The following CTNND2 variants were observed in gnomAD, a reference collection of about 807,000 sequenced individuals.
The protein encoded by CTNND2 is catenin delta 2, also known as catenin delta-2.
CTNND2 carries 22 observed loss-of-function variants against 144.4 expected under a neutral mutation model. That is an observed-to-expected ratio of 0.15 (90% CI 0.11 to 0.22). The LOEUF (loss-of-function observed/expected upper bound fraction) is 0.22, where lower values mean the gene tolerates loss of function less well. Among genes scored for constraint, CTNND2 ranks in the 10% least tolerant of loss-of-function variants. The probability of loss-of-function intolerance (pLI) is 1.00; values close to 1 mark genes in which losing one functional copy is unlikely to be tolerated. For synonymous variants in CTNND2, 751 were observed against 695.6 expected (o/e 1.08, Z -1.25); for missense variants, 1,353 against 1,618.8 (o/e 0.84, Z 2.82).
intron 11 of CTNND2, among the ~76,000 whole-genome samples, chr5:11,178,690 A>T (rs1760713721): frequency 1.3e-5 from 2 of 152,346 alleles, no homozygotes; most frequent in East Asian, 3.9e-4. Context: ...CTCTTTAAAA[A>T]GTATATATAT....
chr5:11,226,125 A>T (rs553326039), intron 10 of CTNND2, among the ~76,000 whole-genome samples: 71 of 152,334 alleles, frequency 4.7e-4, no homozygotes, highest in Admixed American at 9.8e-4. Flanking sequence ...CAGCATCGTG[A>T]GAGAACAGAT....
chr5:11,799,923 C>G (rs1791590528), intron 1 of CTNND2, among the ~76,000 whole-genome samples: 1 of 152,122 alleles, frequency 6.6e-6, no homozygotes, highest in Non-Finnish European at 1.5e-5. Context: ...TTCTACTACT[C>G]CAAACTCCCT....
chr5:11,881,827 C>T (rs1215573728), intron 1 of CTNND2, among the ~76,000 whole-genome samples: 1 of 151,970 alleles, frequency 6.6e-6, no homozygotes, highest in Admixed American at 6.6e-5. Context: ...TTCATAATGG[C>T]TGTACTAATT....
intron 3 of CTNND2, among the ~76,000 whole-genome samples, chr5:11,501,578 G>A (rs1282909733): frequency 1.3e-5 from 2 of 152,176 alleles, no homozygotes; most frequent in East Asian, 3.9e-4. Context: ...GCAACTGACT[G>A]AATGTTTACG....
intron 2 of CTNND2, among the ~76,000 whole-genome samples, chr5:11,711,953 G>A (rs985877165): frequency 6.6e-6 from 1 of 152,212 alleles, no homozygotes; most frequent in African/African-American, 2.4e-5. Context: ...TTGATAATTA[G>A]TTAACATTAT....
intron 2 of CTNND2, among the ~76,000 whole-genome samples, chr5:11,585,141 A>G (rs1329573868): frequency 2.0e-5 from 3 of 151,998 alleles, no homozygotes; most frequent in African/African-American, 7.2e-5. Context: ...ACAGGAGACC[A>G]CCCTGTTTAA....
At chr5:11,848,045 T>C (rs1415026462) in intron 1 of CTNND2, among the ~76,000 whole-genome samples, 1 of 152,098 alleles carries the variant, frequency 6.6e-6, no homozygotes, top group Non-Finnish European at 1.5e-5. Flanking sequence ...CCTAAATTCC[T>C]ATAGTAACAA....
intron 1 of CTNND2, among the ~76,000 whole-genome samples, chr5:11,738,621 GTTCT>G (rs1325826985): frequency 6.6e-6 from 1 of 152,106 alleles, no homozygotes; most frequent in Non-Finnish European, 1.5e-5. Flanking sequence ...ATTTGAACTT[GTTCT>G]TTCTTTAGTC....
At chr5:11,001,567 C>A (rs1489016388) in intron 18 of CTNND2, among the ~76,000 whole-genome samples, 1 of 152,100 alleles carries the variant, frequency 6.6e-6, no homozygotes, top group Non-Finnish European at 1.5e-5. Flanking sequence ...ATCAATTTCA[C>A]AGGTTTTATA....
intron 8 of CTNND2, 56 bp from the exon 9 acceptor site, chr5:11,346,683 G>C: frequency 7.1e-7 from 1 of 1,409,348 alleles, no homozygotes; most frequent in Non-Finnish European, 9.3e-7. Context: ...CACAGAAATG[G>C]TTAACCAGGT....
chr5:11,656,377 C>CT (rs1219284852), intron 2 of CTNND2, among the ~76,000 whole-genome samples: 1 of 151,554 alleles, frequency 6.6e-6, no homozygotes, highest in African/African-American at 2.4e-5. Context: ...CAGCCCAACC[C>CT]TATACCATCC....
At chr5:11,504,574 C>T (rs1003267747) in intron 3 of CTNND2, among the ~76,000 whole-genome samples, 1 of 152,170 alleles carries the variant, frequency 6.6e-6, no homozygotes, top group African/African-American at 2.4e-5. Flanking sequence ...GCTTCCCACT[C>T]CTTCGGGGCC....
At chr5:11,743,903 G>C (rs1788161274) in intron 1 of CTNND2, among the ~76,000 whole-genome samples, 1 of 152,174 alleles carries the variant, frequency 6.6e-6, no homozygotes, top group African/African-American at 2.4e-5. Flanking sequence ...TCATCATTGA[G>C]AAGAATGGGA....
At chr5:11,814,701 G>GGGTTTCA (rs1180809396) in intron 1 of CTNND2, among the ~76,000 whole-genome samples, 10 of 152,276 alleles carry the variant, frequency 6.6e-5, no homozygotes, top group African/African-American at 2.4e-4. Context: ...AGCAATCCCT[G>GGGTTTCA]GGTTTCACTC....
In CTNND2 at chr5:11,564,979, C is replaced by G; in HGVS notation, c.252G>C (p.Lys84Asn). 1 of 1,614,058 alleles carries G rather than the reference C, an allele frequency of 6.2e-7. No individual in the cohort carries two copies. The change falls in exon 3 of 22, where the codon AAG becomes AAC. Residue 84 changes from lysine to asparagine, a missense_variant. Lys to Asn is a moderately conservative substitution (Grantham distance 94). Coordinates refer to ENST00000304623, the MANE Select transcript of CTNND2 (RefSeq NM_001332.4). ...TCATGCTGCCAGTCTCGGATCCGAGCTTGCATCGCTCCAGCTGGCTGGCTA... is the reference window on the plus strand; with the variant it reads ...TCATGCTGCCAGTCTCGGATCCGAGGTTGCATCGCTCCAGCTGGCTGGCTA... Reference protein sequence around the residue: ...QIVASQLERCKLGSETGSMSS... With the variant: ...QIVASQLERCNLGSETGSMSS...
At chr5:11,307,194 C>A (rs533711756) in intron 9 of CTNND2, among the ~76,000 whole-genome samples, 1 of 152,226 alleles carries the variant, frequency 6.6e-6, no homozygotes, top group East Asian at 1.9e-4. Flanking sequence ...TTCCACATCC[C>A]ATACCCAGAA....
intron 12 of CTNND2, among the ~76,000 whole-genome samples, chr5:11,130,623 G>A (rs1229075152): frequency 6.6e-6 from 1 of 152,192 alleles, no homozygotes; most frequent in Non-Finnish European, 1.5e-5. Context: ...ACCATTAACT[G>A]TGAGCCTAAT....
At chr5:11,323,757 A>G (rs1358591703) in intron 9 of CTNND2, among the ~76,000 whole-genome samples, 3 of 152,192 alleles carry the variant, frequency 2.0e-5, no homozygotes, top group South Asian at 2.1e-4. Flanking sequence ...CACCAACCTA[A>G]TATCTACTAG....
chr5:11,805,379 C>A (rs1480897186), intron 1 of CTNND2, among the ~76,000 whole-genome samples: 1 of 152,108 alleles, frequency 6.6e-6, no homozygotes, highest in Non-Finnish European at 1.5e-5. Context: ...GCAACAAGCA[C>A]ATCTACCACC....
Sources: gnomAD v4.1 joint callset for allele counts (sites outside exome capture counted in the v4.1 genomes callset) on GRCh38, gnomAD v4.1.1 for gene constraint, MANE v1.5 for transcripts, NCBI Gene and HGNC (gene_info 2026-07-23, HGNC 2026-07-21) for gene names.